Variants in C1QTNF6 observed in about 807,000 individuals in gnomAD.
The protein encoded by C1QTNF6 is complement C1q tumor necrosis factor-related protein 6.
In C1QTNF6, 17 loss-of-function variants were observed where a neutral mutation model predicts 20.7. The ratio of observed to expected loss-of-function variants is 0.82; its 90% confidence interval spans 0.56 to 1.23. The LOEUF is 1.23. Among genes scored for constraint, C1QTNF6 ranks in the 50% most tolerant of loss-of-function variants. The pLI, the probability that C1QTNF6 is intolerant of heterozygous loss-of-function variation, is 0.00. For synonymous variants in C1QTNF6, 130 were observed against 156.3 expected (o/e 0.83, Z 1.25); for missense variants, 329 against 389.7 (o/e 0.84, Z 1.31).
rs149630379 is a variant in C1QTNF6 at position 37,182,301 on chromosome 22, C to T, written c.724G>A (p.Asp242Asn). 70 of 1,614,062 alleles carry T rather than the reference C, an allele frequency of 4.3e-5. No individual in the cohort carries two copies. The highest frequency in any genetic ancestry group is 5.6e-5 in the Non-Finnish European group (66 of 1,180,038). ...QSVMLDLAYG[D>N]RVWVRLFKRQ... is the part of the protein sequence containing the mutation. ...TTGAAGAGCCGCACCCAGACGCGGTCCCCGTAGGCCAGGTCCAGCATCACA... is the reference window on the plus strand; with the variant it reads ...TTGAAGAGCCGCACCCAGACGCGGTTCCCGTAGGCCAGGTCCAGCATCACA... The change falls in exon 3 of 3, where the codon GAC (aspartate) becomes AAC (asparagine). Residue 242 changes from aspartate (D) to asparagine (N), a missense_variant. Coordinates refer to ENST00000337843, the MANE Select transcript of C1QTNF6 (RefSeq NM_031910.4).
chr22:37,182,844 G>A (rs1166489241), intron 2 of C1QTNF6, 109 bp from the exon 3 acceptor site: 1 of 1,451,968 alleles, frequency 6.9e-7, no homozygotes, highest in South Asian at 1.5e-5. Context: ...CAGAGAAGAA[G>A]CCAGCATTTA....
upstream of C1QTNF6, chr22:37,188,283 A>AGGAGGGACAGAGGAGGGGAT: frequency 8.7e-7 from 1 of 1,153,062 alleles, no homozygotes; most frequent in South Asian, 1.4e-5. Context: ...GGCCCAGCAG[A>AGGAGGGACAGAGGAGGGGAT]GGAGGGAGAG....
At chr22:37,189,756 C>A (rs1002203113), upstream of C1QTNF6, among the ~76,000 whole-genome samples, 1 of 152,184 alleles carries the variant, frequency 6.6e-6, no homozygotes, top group Non-Finnish European at 1.5e-5. Flanking sequence ...TGCATTCTTA[C>A]ACAAAGAGTA....
upstream of C1QTNF6, among the ~76,000 whole-genome samples, chr22:37,188,951 C>A (rs1924626059): frequency 1.3e-5 from 2 of 152,178 alleles, no homozygotes; most frequent in South Asian, 4.1e-4. Flanking sequence ...ATTAGAGAAG[C>A]AAAGAAACAA....
intron 1 of C1QTNF6, among the ~76,000 whole-genome samples, chr22:37,187,760 C>G (rs1047688389): frequency 1.3e-5 from 2 of 152,056 alleles, no homozygotes; most frequent in East Asian, 3.9e-4. Context: ...AAGCCGTTAA[C>G]GAGGAATCAT....
rs1288460569 is a variant in C1QTNF6 at position 37,182,259 on chromosome 22, C to T, written c.766G>A (p.Ala256Thr). The change falls in exon 3 of 3, where the codon GCC becomes ACC. Residue 256 changes from alanine (A) to threonine (T), a missense_variant. Coordinates refer to ENST00000337843, the MANE Select transcript of C1QTNF6 (RefSeq NM_031910.4). Reference sequence around the variant, plus strand: ...GTGTCGAAGTCGTTGCTGTAGATGGCGTTCTCGCGCTGGCGCTTGAAGAGC... The same window carrying T: ...GTGTCGAAGTCGTTGCTGTAGATGGTGTTCTCGCGCTGGCGCTTGAAGAGC... ...VRLFKRQREN[A>T]IYSNDFDTYI... 5 of 1,614,200 alleles carry T rather than the reference C, an allele frequency of 3.1e-6. No homozygotes were observed. Among genetic ancestry groups the T allele is most frequent in the East Asian group, 2.2e-5 (1 of 44,892 alleles).
intron 1 of C1QTNF6, 85 bp downstream of exon 1, chr22:37,188,078 G>A: frequency 1.6e-5 from 22 of 1,399,438 alleles, no homozygotes; most frequent in Non-Finnish European, 2.2e-5. Context: ...CAGGGCCCGA[G>A]ATGCTTCCAG....
At chr22:37,183,021 A>C in intron 2 of C1QTNF6, 1 of 791,852 alleles carries the variant, frequency 1.3e-6, no homozygotes, top group South Asian at 5.9e-5. Flanking sequence ...GGGTGACTTG[A>C]CTTCCCCTCA....
chr22:37,189,695 A>G (rs1227938722), upstream of C1QTNF6, among the ~76,000 whole-genome samples: 1 of 152,232 alleles, frequency 6.6e-6, no homozygotes, highest in African/African-American at 2.4e-5. Flanking sequence ...AAAAGGTGAT[A>G]TCTGGAAGAT....
Position 37,196,246 on chromosome 22 carries a change from C to A in C1QTNF6, n.147-788G>T, listed in dbSNP as rs891358748. ...AGAACTATTCCCTTGTGGAAATGAC[C>A]CCCAACAAGTTCACAGGAGGGCAGC... is the stretch of plus-strand genomic sequence containing the variant. On this transcript the variant is annotated intron_variant and non_coding_transcript_variant, in intron 1 of 4. Transcript: ENST00000467564. The A allele has an allele frequency of 2.0e-5, 3 of 152,308 alleles. No homozygotes were observed. The East Asian group carries it at 5.8e-4, about 29-fold the overall frequency. 9.4% of individuals were successfully genotyped at this position (152,308 alleles called of 1,614,324 possible).
upstream of C1QTNF6, among the ~76,000 whole-genome samples, chr22:37,193,213 G>A (rs144387726): frequency 3.5e-3 from 526 of 152,312 alleles, 4 homozygotes; most frequent in African/African-American, 0.012. Context: ...AAAATGCAAA[G>A]TAATTTCTGA....
chr22:37,191,261 A>C (rs1924804259), upstream of C1QTNF6, among the ~76,000 whole-genome samples: 1 of 152,176 alleles, frequency 6.6e-6, no homozygotes, highest in South Asian at 2.1e-4. Flanking sequence ...ATAATAAATT[A>C]ACATCATAAC....
upstream of C1QTNF6, among the ~76,000 whole-genome samples, chr22:37,191,941 T>C (rs576788984): frequency 1.3e-5 from 2 of 152,234 alleles, no homozygotes; most frequent in Non-Finnish European, 2.9e-5. Context: ...TATAGCTCTT[T>C]ACAATTTTCT....
At chr22:37,192,491 G>A (rs1924882095), upstream of C1QTNF6, among the ~76,000 whole-genome samples, 2 of 152,172 alleles carry the variant, frequency 1.3e-5, no homozygotes, top group African/African-American at 4.8e-5. Flanking sequence ...CCCCAAAGCA[G>A]GTAAGCTGGG....
In C1QTNF6 at chr22:37,182,606, T is replaced by C; in HGVS notation, c.419A>G (p.Gln140Arg). The change falls in exon 3 of 3, where the codon CAG (glutamine) becomes CGG (arginine). Residue 140 changes from glutamine to arginine, a missense_variant. Coordinates refer to ENST00000337843, the MANE Select transcript of C1QTNF6 (RefSeq NM_031910.4). ...CACTGAGAAGGCGAAGAAGCGCTTC[T>C]GGCACGGGGCGCCGGGGCTGCCCAT... ...GEMGSPGAPCQKRFFAFSVGR... is the reference protein window; with the variant it reads ...GEMGSPGAPCRKRFFAFSVGR... 6.2e-7 allele frequency: 1 copy of C among 1,613,818 alleles called. No individual in the cohort carries two copies. The highest frequency in any genetic ancestry group is 8.5e-7 in the Non-Finnish European group (1 of 1,180,026).
upstream of C1QTNF6, among the ~76,000 whole-genome samples, chr22:37,189,980 A>G (rs1447848605): frequency 6.6e-6 from 1 of 152,218 alleles, no homozygotes; most frequent in Non-Finnish European, 1.5e-5. Context: ...GACGATTCCA[A>G]TACATGCTCA....
intron 1 of C1QTNF6, among the ~76,000 whole-genome samples, chr22:37,187,229 G>A (rs1425903514): frequency 2.6e-5 from 4 of 151,890 alleles, no homozygotes; most frequent in Non-Finnish European, 4.4e-5. Context: ...TGGGTTCCTG[G>A]TTCTGCTCAA....
chr22:37,192,305 A>C (rs144420125), upstream of C1QTNF6, among the ~76,000 whole-genome samples: 1 of 152,350 alleles, frequency 6.6e-6, no homozygotes, highest in East Asian at 1.9e-4. Flanking sequence ...GTTAACTCTT[A>C]GCAACTTTTA....
chr22:37,194,098 T>C (rs1924989538), intron 2 of C1QTNF6, among the ~76,000 whole-genome samples: 1 of 151,664 alleles, frequency 6.6e-6, no homozygotes, highest in Admixed American at 6.6e-5. Flanking sequence ...TAAGAGAAAG[T>C]ACTCCCACAC....
Sources: allele counts gnomAD v4.1 joint callset (sites outside exome capture counted in the v4.1 genomes callset), GRCh38; gene constraint gnomAD v4.1.1; transcripts MANE v1.5; gene names NCBI Gene and HGNC (gene_info 2026-07-23, HGNC 2026-07-21).